The following MLEC variants were observed in gnomAD, a reference collection of about 807,000 sequenced individuals.
MLEC encodes the protein malectin.
Under a neutral mutation model 28.7 loss-of-function variants are expected in MLEC, and 7 were observed. That is an observed-to-expected ratio of 0.24 (90% CI 0.14 to 0.46). The LOEUF (loss-of-function observed/expected upper bound fraction) is 0.46. MLEC is among the 20% of genes least tolerant of loss of function. The pLI is 0.99. For synonymous variants in MLEC, 142 were observed against 164.4 expected, an observed-to-expected ratio of 0.86 and a Z score of 1.04; for missense variants, 237 against 391.1, an observed-to-expected ratio of 0.61 and a Z score of 3.32.
chr12:120,697,474 G>T lies in MLEC; in HGVS notation c.*929G>T. ...TCACCTTGTTGGTACCTCCCTCCCTGGATCTCTGAGCCAGCAGCCAGGAGG... is the reference window on the plus strand; with the variant it reads ...TCACCTTGTTGGTACCTCCCTCCCTTGATCTCTGAGCCAGCAGCCAGGAGG... On this transcript the variant is annotated 3_prime_UTR_variant, in exon 5 of 5. Transcript: ENST00000228506. The surrounding 1 kb of genome is among the most constrained non-coding windows in gnomAD (Gnocchi z 4.8). 6.5e-6 allele frequency: 1 copy of T among 152,742 alleles called. No homozygotes were observed. 9.5% of individuals were successfully genotyped at this position (152,742 alleles called of 1,614,324 possible).
Position 120,694,764 on chromosome 12 carries a change from C to A in MLEC, c.415-60C>A. 1 of 1,491,312 alleles carries A rather than the reference C, an allele frequency of 6.7e-7. No individual in the cohort carries two copies. The highest frequency in any genetic ancestry group is 9.1e-7 in the Non-Finnish European group (1 of 1,096,634). 92.4% of individuals were successfully genotyped at this position (1,491,312 alleles called of 1,614,324 possible). A position where few individuals can be genotyped will look rare whatever the true frequency, so the allele number is the denominator to read the frequency against. ...GCCCAAACACGTGCATGATGTCCAA[C>A]TGCTTGAAAGGATGTAAAGCTGATG... On this transcript the variant is annotated intron_variant, in intron 2 of 4. Coordinates refer to ENST00000228506, the MANE Select transcript of MLEC (RefSeq NM_014730.4). The surrounding 1 kb of genome is among the most constrained non-coding windows in gnomAD (Gnocchi z 4.5).
chr12:120,688,943 C>A (rs1034002189), intron 1 of MLEC, among the ~76,000 whole-genome samples: 7 of 152,214 alleles, frequency 4.6e-5, no homozygotes, highest in African/African-American at 1.7e-4. Flanking sequence ...CTGGACCCTT[C>A]CTCTTTCTTC....
rs1882156417 is a variant in MLEC, at chr12:120,694,562, TC to T, written c.415-260del. Among the ~76,000 whole-genome samples the T allele has an allele frequency of 6.6e-6, 1 of 152,178 alleles. No homozygotes were observed. Among genetic ancestry groups the T allele is most frequent in the South Asian group, 2.1e-4 (1 of 4,822 alleles). ...TTAGCCTTATTTTTCCTCTGTCCCT[TC>T]CTGTGAATTTCCTTCTTCCTATGCT... On this transcript the variant is annotated intron_variant, in intron 2 of 4. Transcript: ENST00000228506. This position sits in a 1 kb window ranked among gnomAD's most constrained non-coding sequence, Gnocchi z 4.5.
At chr12:120,691,178 T>A (rs1460015665) in intron 1 of MLEC, among the ~76,000 whole-genome samples, 2 of 152,250 alleles carry the variant, frequency 1.3e-5, no homozygotes, top group African/African-American at 4.8e-5. Flanking sequence ...TATTACTTCC[T>A]TTTCTTTTGA....
intron 1 of MLEC, among the ~76,000 whole-genome samples, chr12:120,693,518 AC>A (rs1489380291): frequency 6.6e-6 from 1 of 152,174 alleles, no homozygotes; most frequent in Non-Finnish European, 1.5e-5. Context: ...CAGCTTTGGA[AC>A]TTTTTGAATG....
chr12:120,696,306 CT>C lies in MLEC; in HGVS notation c.650-8del, dbSNP rs778790145. ...TGTGGGTCTTAACAGTGTTTTCTTC[CT>C]TGTGTTAGATGTACCAAAGCTTCAG... On this transcript the variant is annotated splice_polypyrimidine_tract_variant and intron_variant, in intron 4 of 4. Coordinates refer to ENST00000228506, the MANE Select transcript of MLEC (RefSeq NM_014730.4). This position sits in a 1 kb window ranked among gnomAD's most constrained non-coding sequence, Gnocchi z 5.4. The C allele has an allele frequency of 5.6e-6, 9 of 1,613,406 alleles. No homozygotes were observed. Among genetic ancestry groups the C allele is most frequent in the Non-Finnish European group, 7.6e-6 (9 of 1,179,868 alleles).
chr12:120,690,259 C>T lies in MLEC; in HGVS notation c.235+2728C>T, dbSNP rs543360235. 3.3e-5 allele frequency among the ~76,000 whole-genome samples: 5 copies of T among 152,262 alleles called. No individual in the cohort carries two copies. In the East Asian group the frequency reaches 9.6e-4, roughly 29 times the overall value. On this transcript the variant is annotated intron_variant, in intron 1 of 4. Coordinates refer to ENST00000228506, the MANE Select transcript of MLEC (RefSeq NM_014730.4). The stretch of plus-strand genomic sequence containing the variant: ...CTTCTGTCCTCAAGTGATCTTCCCA[C>T]CTTGGCCTCCCAAACTGCTGGGATT...
chr12:120,700,804 G>A lies in MLEC; in HGVS notation c.*4259G>A, dbSNP rs1316377950. The A allele has an allele frequency of 6.6e-6, 1 of 152,254 alleles. No individual in the cohort carries two copies. The highest frequency in any genetic ancestry group is 1.9e-4 in the East Asian group (1 of 5,210). 9.4% of individuals were successfully genotyped at this position (152,254 alleles called of 1,614,324 possible). On this transcript the variant is annotated 3_prime_UTR_variant, in exon 5 of 5. Coordinates refer to ENST00000228506, the MANE Select transcript of MLEC (RefSeq NM_014730.4). This position sits in a 1 kb window ranked among gnomAD's most constrained non-coding sequence, Gnocchi z 4.0. ...AGACTAGATTGGTACCAGTAGATCAGCTGCCTAGCGAGGGCAGGTTTCTTC... is the reference window on the plus strand; with the variant it reads ...AGACTAGATTGGTACCAGTAGATCAACTGCCTAGCGAGGGCAGGTTTCTTC...
At position 120,687,362 on chromosome 12, in the gene MLEC, G is replaced by GCTT. The variant is rs1308172575; in HGVS notation, c.67_68insTTC (p.Leu22dup). Reference sequence around the variant, plus strand: ...TCCTGCGACTGCTGCTGCTGCTGCTGCCGCCGGCGATCCGGGGACCCGGGC... The same window carrying GCTT: ...TCCTGCGACTGCTGCTGCTGCTGCTGCTTCCGCCGGCGATCCGGGGACCCGGGC... On this transcript the variant is annotated inframe_insertion, in exon 1 of 5. Transcript: ENST00000228506. This position sits in a 1 kb window ranked among gnomAD's most constrained non-coding sequence, Gnocchi z 8.1. The GCTT allele has an allele frequency of 7.3e-7, 1 of 1,378,396 alleles. No homozygotes were observed. Among genetic ancestry groups the GCTT allele is most frequent in the African/African-American group, 1.5e-5 (1 of 65,140 alleles). The allele number at this position is 1,378,396 out of a possible 1,614,324, so 85.4% of individuals were successfully genotyped here. A position where few individuals can be genotyped will look rare whatever the true frequency, so the allele number is the denominator to read the frequency against.
In MLEC at chr12:120,694,683, G is replaced by A; in HGVS notation, c.415-141G>A. ...CTTTGATTTGACCCGGGTTAAGGATGCTAACCACCCTGGATATCCAGACCC... is the reference window on the plus strand; with the variant it reads ...CTTTGATTTGACCCGGGTTAAGGATACTAACCACCCTGGATATCCAGACCC... On this transcript the variant is annotated intron_variant, in intron 2 of 4. Coordinates refer to ENST00000228506, the MANE Select transcript of MLEC (RefSeq NM_014730.4). The surrounding 1 kb of genome is among the most constrained non-coding windows in gnomAD (Gnocchi z 4.5). 1 of 813,502 alleles carries A rather than the reference G, an allele frequency of 1.2e-6. No homozygotes were observed. The highest frequency in any genetic ancestry group is 1.9e-6 in the Non-Finnish European group (1 of 513,690). The allele number at this position is 813,502 out of a possible 1,614,324, so 50.4% of individuals were successfully genotyped here. A position where few individuals can be genotyped will look rare whatever the true frequency, so the allele number is the denominator to read the frequency against.
At chr12:120,693,898 C>A in intron 1 of MLEC, 193 bp from the exon 2 acceptor site, 1 of 512,074 alleles carries the variant, frequency 2.0e-6, no homozygotes, top group Non-Finnish European at 3.5e-6. Flanking sequence ...TTTCATTTTA[C>A]TCTTCCATAG....
At chr12:120,693,409 G>A (rs1882112879) in intron 1 of MLEC, among the ~76,000 whole-genome samples, 1 of 152,226 alleles carries the variant, frequency 6.6e-6, no homozygotes, top group African/African-American at 2.4e-5. Context: ...GTTTATCTGA[G>A]TGAATGTTCA....
rs372815969 is a variant in MLEC, at chr12:120,693,933, T to G, written c.236-158T>G. On this transcript the variant is annotated intron_variant, in intron 1 of 4. Transcript: ENST00000228506. ...GTAATGGCTGTATGATTCCTGCCTT[T>G]GTTGGAGCTCTGTTTGGAGCCAGGT... 77 of 599,214 alleles carry G rather than the reference T, an allele frequency of 1.3e-4. 1 individual carries two copies. The East Asian group carries it at 1.8e-3, about 14-fold the overall frequency. The allele number at this position is 599,214 out of a possible 1,614,324, so 37.1% of individuals were successfully genotyped here.
intron 1 of MLEC, among the ~76,000 whole-genome samples, chr12:120,692,784 C>T (rs187536198): frequency 4.0e-5 from 6 of 151,152 alleles, no homozygotes; most frequent in East Asian, 1.9e-4. Context: ...GACTACATGA[C>T]GGCTACATCT....
Position 120,687,269 on chromosome 12 carries a change from G to T in MLEC, c.-28G>T, listed in dbSNP as rs1283535499. The T allele has an allele frequency of 7.3e-7, 1 of 1,364,334 alleles. No homozygotes were observed. The highest frequency in any genetic ancestry group is 1.8e-5 in the South Asian group (1 of 54,342). The allele number at this position is 1,364,334 out of a possible 1,614,324, so 84.5% of individuals were successfully genotyped here. A position where few individuals can be genotyped will look rare whatever the true frequency, so the allele number is the denominator to read the frequency against. On this transcript the variant is annotated 5_prime_UTR_variant, in exon 1 of 5. Transcript: ENST00000228506. This position sits in a 1 kb window ranked among gnomAD's most constrained non-coding sequence, Gnocchi z 8.1. ...CAGCCGGCCGAGGACGAGGGTCGGC[G>T]GGGGCTGCCCCCGTGGTGGTGGCCG...
chr12:120,695,233 T>A, intron 4 of MLEC, 81 bp downstream of exon 4: 1 of 1,496,984 alleles, frequency 6.7e-7, no homozygotes, highest in Non-Finnish European at 9.3e-7. Context: ...ATTGAGCTGA[T>A]GACTATTTTG....
At chr12:120,695,728 C>A (rs538593987) in intron 4 of MLEC, among the ~76,000 whole-genome samples, 1 of 152,346 alleles carries the variant, frequency 6.6e-6, no homozygotes, top group East Asian at 1.9e-4. Context: ...TGTGACATTT[C>A]TCCCCCATTC....
Position 120,687,173 on chromosome 12 carries a change from G to C in MLEC, c.-124G>C. The stretch of plus-strand genomic sequence containing the variant: ...CGTGGCTGAGAAGAAGGAGGCCTGA[G>C]AGCGACATGTCCCCGGCGGCTCAGG... On this transcript the variant is annotated 5_prime_UTR_variant, in exon 1 of 5. Transcript: ENST00000228506. The surrounding 1 kb of genome is among the most constrained non-coding windows in gnomAD (Gnocchi z 8.1). 1 of 1,118,374 alleles carries C rather than the reference G, an allele frequency of 8.9e-7. No homozygotes were observed. Among genetic ancestry groups the C allele is most frequent in the East Asian group, 3.3e-5 (1 of 30,396 alleles). 69.3% of individuals were successfully genotyped at this position (1,118,374 alleles called of 1,614,324 possible).
intron 4 of MLEC, among the ~76,000 whole-genome samples, chr12:120,695,634 C>G (rs569680526): frequency 1.3e-5 from 2 of 152,314 alleles, no homozygotes; most frequent in East Asian, 3.9e-4. Flanking sequence ...GGGATCAAGT[C>G]TTAGAGTATA....
Sources: gnomAD v4.1 joint callset for allele counts (sites outside exome capture counted in the v4.1 genomes callset) on GRCh38, gnomAD v4.1.1 for gene constraint, Gnocchi (gnomAD v3.1) non-coding constraint, MANE v1.5 for transcripts, NCBI Gene and HGNC (gene_info 2026-07-23, HGNC 2026-07-21) for gene names.